Variants in SPATS2L observed in about 807,000 individuals in gnomAD.
The protein encoded by SPATS2L is SPATS2-like protein.
In SPATS2L, 30 loss-of-function variants were observed where a neutral mutation model predicts 59.6. The observed-to-expected ratio is 0.50, with a 90% confidence interval of 0.38 to 0.68. The LOEUF (loss-of-function observed/expected upper bound fraction) is 0.68, where lower values mean the gene tolerates loss of function less well. Ranked by LOEUF, SPATS2L falls within the 30% of genes least tolerant of loss-of-function variation. The pLI, the probability that SPATS2L is intolerant of heterozygous loss-of-function variation, is 0.00. For synonymous variants in SPATS2L, 252 were observed against 263.5 expected (o/e 0.96, Z 0.42); for missense variants, 615 against 700.0 (o/e 0.88, Z 1.37).
At chr2:200,428,196 T>TA (rs2083696693) in intron 6 of SPATS2L, among the ~76,000 whole-genome samples, 1 of 152,250 alleles carries the variant, frequency 6.6e-6, no homozygotes, top group South Asian at 2.1e-4. Flanking sequence ...ACCTCATTGT[T>TA]ACGGCTTTCA....
At position 200,306,877 on chromosome 2, in the gene SPATS2L, G is replaced by A. The variant is rs2079032127; in HGVS notation, c.-118G>A. 1.0e-6 allele frequency: 1 copy of A among 980,878 alleles called. No homozygotes were observed. Among genetic ancestry groups the A allele is most frequent in the Non-Finnish European group, 1.2e-6 (1 of 828,228 alleles). The allele number at this position is 980,878 out of a possible 1,614,324, so 60.8% of individuals were successfully genotyped here. On this transcript the variant is annotated 5_prime_UTR_variant, in exon 1 of 13. Coordinates refer to ENST00000409140, the MANE Select transcript of SPATS2L (RefSeq NM_001100423.2). Reference sequence around the variant, plus strand: ...CCTCCCCTGGCGACCGCGCCCCCGGGCCCCGGCTCCGGCCCGGGACGGAGG... The same window carrying A: ...CCTCCCCTGGCGACCGCGCCCCCGGACCCCGGCTCCGGCCCGGGACGGAGG...
intron 3 of SPATS2L, chr2:200,393,273 G>A: frequency 2.2e-6 from 1 of 456,716 alleles, no homozygotes; most frequent in Non-Finnish European, 4.4e-6. Flanking sequence ...AGACCAATAT[G>A]GTAGGCAGAG....
chr2:200,413,301 T>C (rs1286732462), intron 4 of SPATS2L, among the ~76,000 whole-genome samples: 2 of 152,168 alleles, frequency 1.3e-5, no homozygotes, highest in Non-Finnish European at 2.9e-5. Context: ...ATCTTATCTA[T>C]CTCTAAAATC....
chr2:200,405,168 G>A (rs941559470), intron 3 of SPATS2L, among the ~76,000 whole-genome samples: 11 of 152,146 alleles, frequency 7.2e-5, no homozygotes, highest in African/African-American at 2.7e-4. Context: ...GAGCTGATTA[G>A]AAATGTAGAA....
intron 3 of SPATS2L, among the ~76,000 whole-genome samples, chr2:200,392,539 A>T (rs972447874): frequency 1.1e-4 from 16 of 152,066 alleles, no homozygotes; most frequent in Non-Finnish European, 7.4e-5. Context: ...ACCGTCCCTT[A>T]TTTATGGTGG....
chr2:200,445,622 C>A (rs576110425), intron 8 of SPATS2L, among the ~76,000 whole-genome samples: 9 of 152,222 alleles, frequency 5.9e-5, no homozygotes, highest in Non-Finnish European at 1.0e-4. Context: ...CTGTATGTCC[C>A]ATATTCCCAG....
chr2:200,335,316 T>C (rs2080105632), intron 2 of SPATS2L, among the ~76,000 whole-genome samples: 1 of 151,484 alleles, frequency 6.6e-6, no homozygotes, highest in Non-Finnish European at 1.5e-5. Flanking sequence ...AGGCAGAGCT[T>C]GCAGTGAGCC....
rs1037838335 is a variant in SPATS2L at position 200,479,311 on chromosome 2, A to G, written c.*1280A>G. 4 of 368,662 alleles carry G rather than the reference A, an allele frequency of 1.1e-5. No homozygotes were observed. The highest frequency in any genetic ancestry group is 1.9e-5 in the Non-Finnish European group (4 of 207,422). 22.8% of individuals were successfully genotyped at this position (368,662 alleles called of 1,614,324 possible). The stretch of plus-strand genomic sequence containing the variant: ...CTCTTAAGACTCAAGTCTATTTTCC[A>G]CACTGTCCAGAGGAGAGAAGTTATC... On this transcript the variant is annotated 3_prime_UTR_variant, in exon 13 of 13. Transcript: ENST00000409140.
chr2:200,338,318 C>G (rs1010264031), intron 2 of SPATS2L, among the ~76,000 whole-genome samples: 2 of 152,186 alleles, frequency 1.3e-5, no homozygotes, highest in Non-Finnish European at 2.9e-5. Context: ...AGCCACCGTG[C>G]CCAGCCCCAG....
At chr2:200,463,471 A>T (rs1254328788) in intron 9 of SPATS2L, 1 of 152,196 alleles carries the variant, frequency 6.6e-6, no homozygotes, top group Non-Finnish European at 1.5e-5. Flanking sequence ...TGCACAAAAG[A>T]GGAAGTATAT....
At chr2:200,362,705 G>A (rs2105873670) in intron 2 of SPATS2L, among the ~76,000 whole-genome samples, 4 of 152,292 alleles carry the variant, frequency 2.6e-5, no homozygotes, top group Admixed American at 2.6e-4. Context: ...AGTTTGCTTT[G>A]CCTGTGGCTT....
In SPATS2L at chr2:200,459,762, TC is replaced by T; in HGVS notation, c.789-3del. On this transcript the variant is annotated splice_region_variant and splice_polypyrimidine_tract_variant and intron_variant, in intron 8 of 12. Transcript: ENST00000409140. ...TTGCTTTTGTTTTTGTTTTTGTTTT[TC>T]CCCAGCATCATTGACAAAGAAGTTT... 6.2e-7 allele frequency: 1 copy of T among 1,610,098 alleles called. No homozygotes were observed. The highest frequency in any genetic ancestry group is 1.1e-5 in the South Asian group (1 of 89,986).
chr2:200,454,288 C>T (rs1253220929), intron 8 of SPATS2L, among the ~76,000 whole-genome samples: 1 of 152,186 alleles, frequency 6.6e-6, no homozygotes, highest in Admixed American at 6.5e-5. Flanking sequence ...TCCAGCTTAT[C>T]AACTACATTG....
At chr2:200,471,091 G>A (rs1466138343) in intron 11 of SPATS2L, among the ~76,000 whole-genome samples, 1 of 151,992 alleles carries the variant, frequency 6.6e-6, no homozygotes, top group African/African-American at 2.4e-5. Context: ...ACCTGGACCC[G>A]GGAGGCAGAG....
chr2:200,325,731 G>C (rs767552573), intron 1 of SPATS2L, among the ~76,000 whole-genome samples: 24 of 152,154 alleles, frequency 1.6e-4, no homozygotes, highest in Middle Eastern at 3.2e-3. Flanking sequence ...GAGTGGAGTA[G>C]AAGCCCATTT....
chr2:200,342,186 T>A (rs1177698102), intron 2 of SPATS2L, among the ~76,000 whole-genome samples: 1 of 152,172 alleles, frequency 6.6e-6, no homozygotes, highest in Non-Finnish European at 1.5e-5. Context: ...CCTGGGACCA[T>A]GTCTTGTATT....
intron 8 of SPATS2L, among the ~76,000 whole-genome samples, chr2:200,441,597 G>C (rs2106111039): frequency 6.6e-6 from 1 of 152,066 alleles, no homozygotes; most frequent in African/African-American, 2.4e-5. Flanking sequence ...CTCTCTCCTG[G>C]TGTCTCCCAC....
intron 8 of SPATS2L, among the ~76,000 whole-genome samples, chr2:200,450,558 AATAG>A (rs1251377995): frequency 1.3e-5 from 2 of 152,092 alleles, no homozygotes; most frequent in Non-Finnish European, 2.9e-5. Context: ...TCATCCACTT[AATAG>A]ATAGATGAAT....
At chr2:200,433,285 A>G (rs1574514698) in intron 6 of SPATS2L, among the ~76,000 whole-genome samples, 1 of 152,264 alleles carries the variant, frequency 6.6e-6, no homozygotes, top group East Asian at 1.9e-4. Context: ...ATTAAAAATC[A>G]GTAAGAACAT....
Sources: gnomAD v4.1 joint callset for allele counts (sites outside exome capture counted in the v4.1 genomes callset) on GRCh38, gnomAD v4.1.1 for gene constraint, MANE v1.5 for transcripts, NCBI Gene and HGNC (gene_info 2026-07-23, HGNC 2026-07-21) for gene names.